The following TPST1 variants were observed in gnomAD, a reference collection of about 807,000 sequenced individuals.
TPST1 encodes the protein tyrosylprotein sulfotransferase 1, also known as protein-tyrosine sulfotransferase 1.
A neutral mutation model predicts 34.8 loss-of-function variants in TPST1; 20 were observed. The observed-to-expected ratio is 0.57, with a 90% confidence interval of 0.40 to 0.84. The LOEUF (loss-of-function observed/expected upper bound fraction) is 0.84, where lower values mean the gene tolerates loss of function less well. Among genes scored for constraint, TPST1 ranks in the 40% least tolerant of loss-of-function variants. The pLI is 0.00. For missense variants in TPST1, 353 were observed against 455.5 expected, an observed-to-expected ratio of 0.78 and a Z score of 2.05; for synonymous variants, 152 against 159.4, an observed-to-expected ratio of 0.95 and a Z score of 0.35.
chr7:66,251,088 CTG>C (rs1370997828), intron 2 of TPST1, among the ~76,000 whole-genome samples: 1 of 152,150 alleles, frequency 6.6e-6, no homozygotes, highest in Non-Finnish European at 1.5e-5. Context: ...CTACCTGAAA[CTG>C]TGGATAAAGG....
intron 2 of TPST1, among the ~76,000 whole-genome samples, chr7:66,255,676 A>G (rs1162474427): frequency 6.6e-6 from 1 of 152,186 alleles, no homozygotes; most frequent in Non-Finnish European, 1.5e-5. Context: ...GGCTAAAACT[A>G]TTTTCACAAT....
chr7:66,343,766 C>T (rs1308301138), intron 3 of TPST1, among the ~76,000 whole-genome samples: 6 of 152,120 alleles, frequency 3.9e-5, no homozygotes, highest in Non-Finnish European at 7.4e-5. Context: ...TGAGGCATAA[C>T]AAGAATCAGA....
At chr7:66,278,611 C>G (rs886882771) in intron 2 of TPST1, among the ~76,000 whole-genome samples, 7 of 152,130 alleles carry the variant, frequency 4.6e-5, no homozygotes, top group African/African-American at 1.4e-4. Context: ...GGTGAAACCC[C>G]ATTTCTACTA....
At chr7:66,293,544 T>C (rs1791131364) in intron 3 of TPST1, among the ~76,000 whole-genome samples, 2 of 152,142 alleles carry the variant, frequency 1.3e-5, no homozygotes, top group African/African-American at 4.8e-5. Context: ...ATTTGTAGAA[T>C]GCTTTCTTAT....
At chr7:66,233,914 T>G (rs1789851153) in intron 1 of TPST1, among the ~76,000 whole-genome samples, 1 of 151,912 alleles carries the variant, frequency 6.6e-6, no homozygotes, top group African/African-American at 2.4e-5. Context: ...CAGCATGGAG[T>G]GCAGTGGCGT....
intron 3 of TPST1, among the ~76,000 whole-genome samples, chr7:66,304,471 C>G (rs1209368394): frequency 6.6e-6 from 1 of 152,214 alleles, no homozygotes; most frequent in Non-Finnish European, 1.5e-5. Context: ...GACCCAGAAC[C>G]ACACAGGGAA....
intron 1 of TPST1, among the ~76,000 whole-genome samples, chr7:66,232,433 C>T (rs1243358282): frequency 3.3e-5 from 5 of 151,640 alleles, no homozygotes; most frequent in African/African-American, 2.4e-5. Context: ...AGTGCAGTGG[C>T]GTGATCTCCA....
upstream of TPST1, among the ~76,000 whole-genome samples, chr7:66,201,165 G>C (rs1789030472): frequency 6.6e-6 from 1 of 152,156 alleles, no homozygotes; most frequent in African/African-American, 2.4e-5. Flanking sequence ...GAAATGTGGT[G>C]TGAATCAGAT....
intron 3 of TPST1, among the ~76,000 whole-genome samples, chr7:66,337,993 G>A (rs1268831186): frequency 1.3e-5 from 2 of 152,152 alleles, no homozygotes; most frequent in Admixed American, 1.3e-4. Flanking sequence ...ACCCTTACCT[G>A]TCAGTAATAA....
At chr7:66,240,205 T>C in intron 1 of TPST1, 120 bp from the exon 2 acceptor site, 1 of 590,782 alleles carries the variant, frequency 1.7e-6, no homozygotes, top group Non-Finnish European at 2.8e-6. Context: ...GTTTTAAGAA[T>C]ATCAAAGAAT....
chr7:66,202,723 G>A (rs180825004), upstream of TPST1, among the ~76,000 whole-genome samples: 129 of 152,266 alleles, frequency 8.5e-4, 1 homozygote, highest in South Asian at 0.013. Flanking sequence ...TTAGAGGATC[G>A]CTTGAGGTCA....
intron 2 of TPST1, among the ~76,000 whole-genome samples, chr7:66,254,783 G>A (rs946346857): frequency 2.0e-5 from 3 of 152,134 alleles, no homozygotes; most frequent in African/African-American, 4.8e-5. Context: ...TCTATATCCC[G>A]CAGCTTTCCT....
intron 2 of TPST1, among the ~76,000 whole-genome samples, chr7:66,244,530 A>G (rs1167978222): frequency 1.3e-5 from 2 of 152,196 alleles, no homozygotes; most frequent in Non-Finnish European, 2.9e-5. Flanking sequence ...AGTTACAGAA[A>G]AGTCAGAGGC....
intron 3 of TPST1, among the ~76,000 whole-genome samples, chr7:66,317,604 G>GT (rs989205848): frequency 5.6e-4 from 82 of 145,300 alleles, no homozygotes; most frequent in East Asian, 1.6e-3. Flanking sequence ...GTGTTTTAAT[G>GT]TTTTTTTTTT....
chr7:66,261,646 A>G (rs1384943931), intron 2 of TPST1, among the ~76,000 whole-genome samples: 10 of 152,154 alleles, frequency 6.6e-5, no homozygotes, highest in Non-Finnish European at 1.2e-4. Context: ...TATATTTAAA[A>G]AAATATATTT....
At chr7:66,251,146 T>C (rs753277117) in intron 2 of TPST1, among the ~76,000 whole-genome samples, 3 of 152,200 alleles carry the variant, frequency 2.0e-5, no homozygotes, top group Non-Finnish European at 4.4e-5. Context: ...TAACTATCCA[T>C]AGGGTTGTCG....
At chr7:66,309,888 A>G (rs531181004) in intron 3 of TPST1, among the ~76,000 whole-genome samples, 5 of 152,134 alleles carry the variant, frequency 3.3e-5, no homozygotes, top group Non-Finnish European at 7.3e-5. Context: ...ACATGTGTGC[A>G]TGGGAGTTAT....
At chr7:66,333,852 T>C (rs1229607011) in intron 3 of TPST1, among the ~76,000 whole-genome samples, 1 of 152,216 alleles carries the variant, frequency 6.6e-6, no homozygotes, top group East Asian at 1.9e-4. Flanking sequence ...CCTCTAACTT[T>C]AGTACATGTC....
intron 2 of TPST1, among the ~76,000 whole-genome samples, chr7:66,249,822 T>C (rs1790226066): frequency 6.6e-6 from 1 of 152,238 alleles, no homozygotes; most frequent in South Asian, 2.1e-4. Context: ...AACACCTTTC[T>C]CTCACTTCAT....
Sources: gnomAD v4.1 joint callset for allele counts (sites outside exome capture counted in the v4.1 genomes callset) on GRCh38, gnomAD v4.1.1 for gene constraint, MANE v1.5 for transcripts, NCBI Gene and HGNC (gene_info 2026-07-23, HGNC 2026-07-21) for gene names.